Variants in GPC6 observed in about 807,000 individuals in gnomAD.
The protein encoded by GPC6 is glypican 6, also known as glypican-6.
A neutral mutation model predicts 55.2 loss-of-function variants in GPC6; 14 were observed. That is an observed-to-expected ratio of 0.25 (90% CI 0.17 to 0.40). The LOEUF (loss-of-function observed/expected upper bound fraction) is 0.40. Ranked by LOEUF, GPC6 falls within the 10% of genes least tolerant of loss-of-function variation. GPC6 has a pLI of 1.00. For synonymous variants in GPC6, 278 were observed against 259.6 expected (o/e 1.07, Z -0.68); for missense variants, 641 against 708.5 (o/e 0.90, Z 1.08).
intron 2 of GPC6, among the ~76,000 whole-genome samples, chr13:93,683,439 T>C (rs1445406614): frequency 6.6e-6 from 1 of 152,126 alleles, no homozygotes; most frequent in African/African-American, 2.4e-5. Context: ...TAGGACTTCA[T>C]TTGTATTTAA....
chr13:93,796,628 A>G (rs1886205459), intron 2 of GPC6, among the ~76,000 whole-genome samples: 4 of 152,214 alleles, frequency 2.6e-5, no homozygotes. Flanking sequence ...TTCAAAACAA[A>G]GATGGGGAGG....
chr13:93,893,728 T>C (rs1205376375), intron 3 of GPC6, among the ~76,000 whole-genome samples: 1 of 152,196 alleles, frequency 6.6e-6, no homozygotes, highest in Non-Finnish European at 1.5e-5. Context: ...ATCTGAGCTT[T>C]CCTCTCTCTT....
intron 1 of GPC6, among the ~76,000 whole-genome samples, chr13:93,529,893 T>C (rs1393418026): frequency 6.6e-6 from 1 of 152,140 alleles, no homozygotes; most frequent in African/African-American, 2.4e-5. Flanking sequence ...ATTGCTTGTG[T>C]GTTATTGAGT....
chr13:93,604,639 A>G (rs1878164341), intron 2 of GPC6, among the ~76,000 whole-genome samples: 1 of 152,174 alleles, frequency 6.6e-6, no homozygotes, highest in African/African-American at 2.4e-5. Context: ...AAATCGCAGT[A>G]TAAGACATAG....
chr13:93,841,763 C>T (rs1594511858), intron 3 of GPC6, among the ~76,000 whole-genome samples: 1 of 152,196 alleles, frequency 6.6e-6, no homozygotes, highest in African/African-American at 2.4e-5. Flanking sequence ...AGAAATGCCA[C>T]TGTCATATTT....
intron 3 of GPC6, among the ~76,000 whole-genome samples, chr13:94,018,569 G>A (rs1338037570): frequency 1.2e-4 from 18 of 152,176 alleles, no homozygotes; most frequent in Admixed American, 1.2e-3. Context: ...GGGATTACAG[G>A]CATGAGCCAC....
chr13:93,344,824 T>G (rs1480003971), intron 1 of GPC6, among the ~76,000 whole-genome samples: 1 of 152,180 alleles, frequency 6.6e-6, no homozygotes, highest in Non-Finnish European at 1.5e-5. Context: ...TTCTCAGTGC[T>G]AATGGTAAAC....
intron 3 of GPC6, among the ~76,000 whole-genome samples, chr13:93,863,103 C>T (rs1303804773): frequency 1.3e-5 from 2 of 151,558 alleles, no homozygotes; most frequent in Non-Finnish European, 1.5e-5. Flanking sequence ...AACAAATACC[C>T]AATGCTACAA....
intron 6 of GPC6, among the ~76,000 whole-genome samples, chr13:94,309,517 T>C (rs1156355975): frequency 7.2e-6 from 1 of 139,244 alleles, no homozygotes; most frequent in Non-Finnish European, 1.5e-5. Flanking sequence ...TAACATCTTA[T>C]TATATTTATA....
At chr13:93,884,403 G>C (rs1469029598) in intron 3 of GPC6, among the ~76,000 whole-genome samples, 1 of 151,932 alleles carries the variant, frequency 6.6e-6, no homozygotes, top group East Asian at 1.9e-4. Context: ...TCAAATCATA[G>C]ATATTTGTTC....
chr13:94,103,047 C>G (rs1885923569), intron 4 of GPC6, among the ~76,000 whole-genome samples: 1 of 152,090 alleles, frequency 6.6e-6, no homozygotes, highest in African/African-American at 2.4e-5. Flanking sequence ...TCCCACCATC[C>G]CACAACAGGC....
intron 1 of GPC6, among the ~76,000 whole-genome samples, chr13:93,321,898 A>C (rs1249228151): frequency 6.6e-6 from 1 of 152,262 alleles, no homozygotes; most frequent in Non-Finnish European, 1.5e-5. Context: ...GTGGGGTTAC[A>C]TCTAGAAGTA....
At chr13:94,351,962 C>CAAAAAAAAAAAAAAAAAAA (rs60206836) in intron 6 of GPC6, among the ~76,000 whole-genome samples, 2 of 101,550 alleles carry the variant, frequency 2.0e-5, no homozygotes, top group African/African-American at 4.3e-5. Flanking sequence ...GAGAAGAAGG[C>CAAAAAAAAAAAAAAAAAAA]AAAAAAAAAA....
chr13:93,762,102 C>T (rs948575314), intron 2 of GPC6, among the ~76,000 whole-genome samples: 1 of 152,044 alleles, frequency 6.6e-6, no homozygotes, highest in Non-Finnish European at 1.5e-5. Flanking sequence ...TTTTTTACAC[C>T]CCACACATAA....
At chr13:93,659,914 A>G (rs1305468137) in intron 2 of GPC6, among the ~76,000 whole-genome samples, 4 of 152,032 alleles carry the variant, frequency 2.6e-5, no homozygotes, top group Admixed American at 1.3e-4. Flanking sequence ...ATGTGTGTGT[A>G]TATATATGTA....
intron 4 of GPC6, among the ~76,000 whole-genome samples, chr13:94,141,396 T>G (rs1411729997): frequency 6.6e-6 from 1 of 152,202 alleles, no homozygotes; most frequent in Non-Finnish European, 1.5e-5. Flanking sequence ...GACTTAACCC[T>G]TGTCTGGCAT....
chr13:93,221,589 T>C, the GPC6 span, among the ~76,000 whole-genome samples: 1 of 152,330 alleles, frequency 6.6e-6, no homozygotes, highest in Non-Finnish European at 1.5e-5. Context: ...TGTTTAAGGC[T>C]CAATAAATGT....
intron 4 of GPC6, among the ~76,000 whole-genome samples, chr13:94,091,615 A>T (rs1885481751): frequency 6.6e-6 from 1 of 152,142 alleles, no homozygotes. Flanking sequence ...GTCGACAAGC[A>T]ATTAATTTTG....
chr13:93,540,910 A>G (rs150982919), intron 1 of GPC6, among the ~76,000 whole-genome samples: 1 of 152,144 alleles, frequency 6.6e-6, no homozygotes. Flanking sequence ...TCCTTTTTTT[A>G]GCTTCCACAT....
Sources: gnomAD v4.1 joint callset for allele counts (sites outside exome capture counted in the v4.1 genomes callset) on GRCh38, gnomAD v4.1.1 for gene constraint, MANE v1.5 for transcripts, NCBI Gene and HGNC (gene_info 2026-07-23, HGNC 2026-07-21) for gene names.